Variants in TLR2 observed in about 807,000 individuals in gnomAD.
TLR2 encodes the protein toll like receptor 2.
A neutral mutation model predicts 9.1 loss-of-function variants in TLR2; 7 were observed. The ratio of observed to expected loss-of-function variants is 0.77; its 90% CI spans 0.44 to 1.44. The LOEUF (loss-of-function observed/expected upper bound fraction) is 1.44. TLR2 is among the 40% of genes most tolerant of loss of function. TLR2 has a pLI of 0.01. For missense variants in TLR2, 812 were observed against 904.6 expected, an observed-to-expected ratio of 0.90 and a Z score of 1.31; for synonymous variants, 317 against 344.6, an observed-to-expected ratio of 0.92 and a Z score of 0.89.
intron 2 of TLR2, among the ~76,000 whole-genome samples, chr4:153,691,916 C>A (rs1736148385): frequency 6.6e-6 from 1 of 152,122 alleles, no homozygotes; most frequent in African/African-American, 2.4e-5. Context: ...TCGAGTTTTG[C>A]AAGTGATCAT....
chr4:153,693,975 G>GAC (rs1293253412), intron 2 of TLR2, among the ~76,000 whole-genome samples: 1 of 152,160 alleles, frequency 6.6e-6, no homozygotes, highest in African/African-American at 2.4e-5. Context: ...AGGAATTAAA[G>GAC]ACACACACAC....
chr4:153,702,983 G>T lies in TLR2; in HGVS notation c.76G>T (p.Ala26Ser). 1 of 1,614,004 alleles carries T rather than the reference G, an allele frequency of 6.2e-7. No individual in the cohort carries two copies. The highest frequency in any genetic ancestry group is 1.1e-5 in the South Asian group (1 of 91,064). The stretch of plus-strand genomic sequence containing the variant: ...CTCCAAGGAAGAATCCTCCAATCAG[G>T]CTTCTCTGTCTTGTGACCGCAATGG... ...SLSKEESSNQ[A>S]SLSCDRNGIC... Residue 26 changes from alanine (A) to serine (S), a missense_variant, in exon 3 of 3, where the codon GCT becomes TCT. Physicochemically the swap from Ala to Ser is moderately conservative, Grantham distance 99. Coordinates refer to ENST00000642700, the MANE Select transcript of TLR2 (RefSeq NM_001318789.2).
intron 2 of TLR2, among the ~76,000 whole-genome samples, chr4:153,697,232 A>G (rs1736569861): frequency 6.6e-6 from 1 of 152,112 alleles, no homozygotes; most frequent in Non-Finnish European, 1.5e-5. Flanking sequence ...ACTGACACAG[A>G]ACTAGAAATT....
downstream of TLR2, among the ~76,000 whole-genome samples, chr4:153,708,037 T>G (rs182511245): frequency 1.9e-3 from 295 of 152,326 alleles, 2 homozygotes; most frequent in African/African-American, 6.9e-3. Context: ...CATAATACTC[T>G]CCAATCTTTT....
At chr4:153,710,200 C>A, downstream of TLR2, 1 of 522,896 alleles carries the variant, frequency 1.9e-6, no homozygotes, top group Non-Finnish European at 3.3e-6. Context: ...TTGTTTATTC[C>A]ATTGTTCAGC....
chr4:153,695,383 G>GAT (rs1736419800), intron 2 of TLR2, among the ~76,000 whole-genome samples: 1 of 152,194 alleles, frequency 6.6e-6, no homozygotes, highest in Admixed American at 6.5e-5. Context: ...GGGGTGAAAT[G>GAT]ATATCTCATT....
At chr4:153,696,151 A>G (rs1736480313) in intron 2 of TLR2, among the ~76,000 whole-genome samples, 1 of 152,090 alleles carries the variant, frequency 6.6e-6, no homozygotes, top group Non-Finnish European at 1.5e-5. Flanking sequence ...AGCTCTGGCT[A>G]TTCTGGGTCT....
chr4:153,690,862 A>G (rs1578969990), intron 2 of TLR2, among the ~76,000 whole-genome samples: 1 of 152,352 alleles, frequency 6.6e-6, no homozygotes, highest in East Asian at 1.9e-4. Context: ...GAAGAGGTGT[A>G]TGAGCCCTAA....
downstream of TLR2, among the ~76,000 whole-genome samples, chr4:153,709,358 TAAATG>T (rs1208128259): frequency 2.0e-5 from 3 of 152,254 alleles, no homozygotes; most frequent in Non-Finnish European, 1.5e-5. Flanking sequence ...TGTCTGGTGT[TAAATG>T]TATACAGTGT....
chr4:153,684,832 C>G (rs370820827), intron 1 of TLR2, among the ~76,000 whole-genome samples: 2 of 151,626 alleles, frequency 1.3e-5, no homozygotes, highest in Non-Finnish European at 2.9e-5. Flanking sequence ...GGCCCCGGCC[C>G]GGCCCTCCCG....
In TLR2 at chr4:153,705,422, C is replaced by A; in HGVS notation, c.*160C>A. ...AAAACTTCAAATTTTGTCTGGGGTG[C>A]TGTTTTATAAACATATGCCAGATTT... On this transcript the variant is annotated 3_prime_UTR_variant, in exon 3 of 3. Transcript: ENST00000642700. 2.5e-6 allele frequency: 2 copies of A among 793,500 alleles called. No homozygotes were observed. Among genetic ancestry groups the A allele is most frequent in the Non-Finnish European group, 3.7e-6 (2 of 534,596 alleles). 49.2% of individuals were successfully genotyped at this position (793,500 alleles called of 1,614,324 possible). A position where few individuals can be genotyped will look rare whatever the true frequency, so the allele number is the denominator to read the frequency against.
chr4:153,692,940 C>A (rs1344187408), intron 2 of TLR2, among the ~76,000 whole-genome samples: 1 of 152,190 alleles, frequency 6.6e-6, no homozygotes, highest in Non-Finnish European at 1.5e-5. Context: ...TTTTAAATTT[C>A]TTTCCCTGAA....
intron 2 of TLR2, among the ~76,000 whole-genome samples, chr4:153,695,096 T>C (rs1379088536): frequency 1.3e-5 from 2 of 152,234 alleles, no homozygotes; most frequent in African/African-American, 4.8e-5. Flanking sequence ...GGATTGCTTC[T>C]AGATCTTGGC....
rs1263763491 is a variant in TLR2 at position 153,704,473 on chromosome 4, TCA to T, written c.1572_1573del (p.Leu525GlufsTer9). On this transcript the variant is annotated frameshift_variant, in exon 3 of 3. Transcript: ENST00000642700. LOFTEE classifies it low-confidence loss of function (END_TRUNC). ...TFSKEQLDSF[H>X]TLKTLEAGGN... ...TTTCTAAGGAGCAACTTGACTCATT[TCA>T]CACACTGAAGACTTTGGAAGCTGGT... 1 of 1,614,174 alleles carries T rather than the reference TCA, an allele frequency of 6.2e-7. No homozygotes were observed. Among genetic ancestry groups the T allele is most frequent in the Non-Finnish European group, 8.5e-7 (1 of 1,180,024 alleles).
chr4:153,691,486 A>G (rs1418038842), intron 2 of TLR2, among the ~76,000 whole-genome samples: 1 of 152,226 alleles, frequency 6.6e-6, no homozygotes, highest in African/African-American at 2.4e-5. Context: ...AAGCCACTGT[A>G]CAAAGTCTTG....
At chr4:153,693,885 A>T (rs1482411498) in intron 2 of TLR2, among the ~76,000 whole-genome samples, 1 of 152,140 alleles carries the variant, frequency 6.6e-6, no homozygotes, top group African/African-American at 2.4e-5. Context: ...GCGAGCCTTC[A>T]TCCTGGGTTT....
At chr4:153,701,998 G>A (rs763667433) in intron 2 of TLR2, 3 of 152,138 alleles carry the variant, frequency 2.0e-5, no homozygotes, top group Non-Finnish European at 4.4e-5. Context: ...AAAAATTTTT[G>A]TATAGTTAGC....
Position 153,702,888 on chromosome 4 carries a change from G to A in TLR2, c.-16-4G>A. On this transcript the variant is annotated splice_region_variant and splice_polypyrimidine_tract_variant and intron_variant, in intron 2 of 2. Coordinates refer to ENST00000642700, the MANE Select transcript of TLR2 (RefSeq NM_001318789.2). Reference sequence around the variant, plus strand: ...TGACTTATTTGAACCTCTTTTATTTGTAGGTTGAAGCACTGGACAATGCCA... The same window carrying A: ...TGACTTATTTGAACCTCTTTTATTTATAGGTTGAAGCACTGGACAATGCCA... 6.4e-7 allele frequency: 1 copy of A among 1,564,904 alleles called. No individual in the cohort carries two copies. Among genetic ancestry groups the A allele is most frequent in the Non-Finnish European group, 8.6e-7 (1 of 1,156,766 alleles).
At chr4:153,698,614 G>C (rs1325149948) in intron 2 of TLR2, among the ~76,000 whole-genome samples, 1 of 152,088 alleles carries the variant, frequency 6.6e-6, no homozygotes, top group Non-Finnish European at 1.5e-5. Flanking sequence ...TTCTAAAATT[G>C]CTAAAATGGC....
Sources: gnomAD v4.1 joint callset for allele counts (sites outside exome capture counted in the v4.1 genomes callset) on GRCh38, gnomAD v4.1.1 for gene constraint, MANE v1.5 for transcripts, NCBI Gene and HGNC (gene_info 2026-07-23, HGNC 2026-07-21) for gene names.